The following KDELR1 variants were observed in gnomAD, a reference collection of about 807,000 sequenced individuals.
KDELR1 encodes KDEL endoplasmic reticulum protein retention receptor 1, also known as ER lumen protein-retaining receptor 1.
KDELR1 carries 16 observed loss-of-function variants against 25.5 expected under a neutral mutation model. The observed-to-expected ratio is 0.63, with a 90% CI of 0.43 to 0.95. The LOEUF (loss-of-function observed/expected upper bound fraction) is 0.95. KDELR1 is among the 40% of genes least tolerant of loss of function. The probability of loss-of-function intolerance (pLI) is 0.00; values close to 1 mark genes in which losing one functional copy is unlikely to be tolerated. For missense variants in KDELR1, 159 were observed against 265.2 expected (o/e 0.60, Z 2.78); for synonymous variants, 121 against 115.0 (o/e 1.05, Z -0.33).
In KDELR1 at chr19:48,391,276, G is replaced by T. The variant is rs1401573551; in HGVS notation, c.83C>A (p.Ser28Ter). ...LLLLKIWKSRSCAGISGKSQV... is the reference protein window; with the variant it reads ...LLLLKIWKSR Reference sequence around the variant, plus strand: ...CCTGGTGGGCCTCTCACCGGCGCACGAGCGGGACTTCCAGATTTTGAGCAG... The same window carrying T: ...CCTGGTGGGCCTCTCACCGGCGCACTAGCGGGACTTCCAGATTTTGAGCAG... The change falls in exon 1 of 5, where the codon TCG becomes TAG. Residue 28 changes from serine to a stop codon, truncating the protein, a stop_gained. Transcript: ENST00000330720. LOFTEE classifies it high-confidence loss of function. The T allele has an allele frequency of 2.6e-6, 4 of 1,555,054 alleles. No homozygotes were observed. The highest frequency in any genetic ancestry group is 2.6e-6 in the Non-Finnish European group (3 of 1,148,946).
intron 3 of KDELR1, 48 bp downstream of exon 3, chr19:48,389,505 T>G (rs1299556503): frequency 3.7e-6 from 6 of 1,609,438 alleles, no homozygotes; most frequent in Non-Finnish European, 5.1e-6. Flanking sequence ...TCATAGCTAC[T>G]CTGCCACAAC....
chr19:48,389,231 C>T (rs1970521732), intron 3 of KDELR1, among the ~76,000 whole-genome samples: 1 of 152,168 alleles, frequency 6.6e-6, no homozygotes. Context: ...GATCATGCCA[C>T]TGCACTCCAG....
chr19:48,383,289 G>A lies in KDELR1; in HGVS notation c.*4C>T, dbSNP rs762278657. 1.4e-5 allele frequency: 22 copies of A among 1,551,902 alleles called. No homozygotes were observed. The highest frequency in any genetic ancestry group is 7.3e-5 in the East Asian group (3 of 41,016). The stretch of plus-strand genomic sequence containing the variant: ...GCCGAGGAGAGAGATGGAGAGGACC[G>A]GGGCTATGCCGGCAAACTCAACTTC... On this transcript the variant is annotated 3_prime_UTR_variant, in exon 5 of 5. Transcript: ENST00000330720.
chr19:48,392,071 C>T (rs1197892615), upstream of KDELR1, among the ~76,000 whole-genome samples: 3 of 149,526 alleles, frequency 2.0e-5, no homozygotes, highest in African/African-American at 7.4e-5. Flanking sequence ...TCCAGACCCC[C>T]AGCCCCTCCT....
intron 3 of KDELR1, 185 bp downstream of exon 3, chr19:48,389,368 A>C: frequency 6.3e-6 from 4 of 639,748 alleles, no homozygotes; most frequent in Non-Finnish European, 1.1e-5. Context: ...TGACTGACAC[A>C]TAGCGAGTCT....
At position 48,384,264 on chromosome 19, in the gene KDELR1, G is replaced by C; in HGVS notation, c.570C>G (p.Leu190=). The C allele has an allele frequency of 1.2e-6, 2 of 1,614,218 alleles. No individual in the cohort carries two copies. Among genetic ancestry groups the C allele is most frequent in the African/African-American group, 1.3e-5 (1 of 75,066 alleles). ...TATAGAGGTAGAAGAAATCGCAGTAGAGGACTGTCTGGACCAGGCCTGCCA... is the reference window on the plus strand; with the variant it reads ...TATAGAGGTAGAAGAAATCGCAGTACAGGACTGTCTGGACCAGGCCTGCCA... ...AIVAGLVQTV[L]YCDFFYLYIT... is the part of the protein sequence containing the mutation. Residue 190 remains leucine, a synonymous_variant, in exon 4 of 5, where the codon CTC becomes CTG. Transcript: ENST00000330720. The surrounding 1 kb of genome is among the most constrained non-coding windows in gnomAD (Gnocchi z 4.6).
At chr19:48,396,688 G>A in the KDELR1 span, among the ~76,000 whole-genome samples, 1 of 151,902 alleles carries the variant, frequency 6.6e-6, no homozygotes, top group African/African-American at 2.4e-5. Context: ...TGGGGAGACA[G>A]GGGCCCGAGA....
Position 48,383,124 on chromosome 19 carries a change from C to T in KDELR1, c.*169G>A, listed in dbSNP as rs1175313240. 1.5e-6 allele frequency: 1 copy of T among 683,664 alleles called. No individual in the cohort carries two copies. The highest frequency in any genetic ancestry group is 2.5e-6 in the Non-Finnish European group (1 of 400,232). The allele number at this position is 683,664 out of a possible 1,614,324, so 42.3% of individuals were successfully genotyped here. On this transcript the variant is annotated 3_prime_UTR_variant, in exon 5 of 5. Coordinates refer to ENST00000330720, the MANE Select transcript of KDELR1 (RefSeq NM_006801.3). ...ACAAACAGCCCAAGTCCTGAGCTCC[C>T]CAAGACCTGGATCCTCCACTGTCCC...
upstream of KDELR1, among the ~76,000 whole-genome samples, chr19:48,393,026 AAAG>A (rs1292901743): frequency 6.6e-6 from 1 of 152,180 alleles, no homozygotes; most frequent in Non-Finnish European, 1.5e-5. This position sits in a 1 kb window ranked among gnomAD's most constrained non-coding sequence, Gnocchi z 5.6. Context: ...TCCCTCAATA[AAAG>A]AAGGGGTGCA....
In KDELR1 at chr19:48,391,551, G is replaced by T; in HGVS notation, c.-193C>A. On this transcript the variant is annotated 5_prime_UTR_variant, in exon 1 of 5. Transcript: ENST00000330720. ...CTGGCGGCGGAGCTGGAGCCGGGAA[G>T]AGGGAGGAGAGCGAGAGGGGGAGGA... 1.7e-6 allele frequency: 1 copy of T among 583,136 alleles called. No homozygotes were observed. Among genetic ancestry groups the T allele is most frequent in the Non-Finnish European group, 3.1e-6 (1 of 326,254 alleles). 36.1% of individuals were successfully genotyped at this position (583,136 alleles called of 1,614,324 possible).
chr19:48,388,772 G>A (rs1302093844), intron 3 of KDELR1, among the ~76,000 whole-genome samples: 6 of 142,336 alleles, frequency 4.2e-5, no homozygotes, highest in South Asian at 2.2e-4. Context: ...AGGAAAGAAA[G>A]GAAGAAAGAA....
In KDELR1 at chr19:48,384,822, T is replaced by C. The variant is rs1407565654; in HGVS notation, c.352-340A>G. On this transcript the variant is annotated intron_variant, in intron 3 of 4. Transcript: ENST00000330720. The surrounding 1 kb of genome is among the most constrained non-coding windows in gnomAD (Gnocchi z 4.6). Reference sequence around the variant, plus strand: ...GTCCGTTCTCATGAACACTTTGCAATTGCGCCTCTCTGAAAGGCAGGCTGG... The same window carrying C: ...GTCCGTTCTCATGAACACTTTGCAACTGCGCCTCTCTGAAAGGCAGGCTGG... Among the ~76,000 whole-genome samples, 1 of 152,076 alleles carries C rather than the reference T, an allele frequency of 6.6e-6. No individual in the cohort carries two copies. The highest frequency in any genetic ancestry group is 2.4e-5 in the African/African-American group (1 of 41,390).
Position 48,383,141 on chromosome 19 carries a change from C to A in KDELR1, c.*152G>T. 2 of 777,686 alleles carry A rather than the reference C, an allele frequency of 2.6e-6. No homozygotes were observed. Among genetic ancestry groups the A allele is most frequent in the South Asian group, 3.3e-5 (2 of 60,256 alleles). The allele number at this position is 777,686 out of a possible 1,614,324, so 48.2% of individuals were successfully genotyped here. A position where few individuals can be genotyped will look rare whatever the true frequency, so the allele number is the denominator to read the frequency against. ...TGAGCTCCCCAAGACCTGGATCCTC[C>A]ACTGTCCCCCTGAAACCCGGCAGGA... On this transcript the variant is annotated 3_prime_UTR_variant, in exon 5 of 5. Transcript: ENST00000330720.
Position 48,391,380 on chromosome 19 carries a change from C to G in KDELR1, c.-22G>C, listed in dbSNP as rs1208022506. On this transcript the variant is annotated 5_prime_UTR_variant, in exon 1 of 5. Transcript: ENST00000330720. ...TCATGGCTGGGGAACCCTGGCAGGG[C>G]TGAGCGGGAGGGAGGCAGGCTGGCG... is the stretch of plus-strand genomic sequence containing the variant. 3.2e-6 allele frequency: 5 copies of G among 1,544,470 alleles called. No homozygotes were observed. Among genetic ancestry groups the G allele is most frequent in the South Asian group, 2.4e-5 (2 of 83,932 alleles).
In KDELR1 at chr19:48,391,416, C is replaced by T. The variant is rs1283636057; in HGVS notation, c.-58G>A. 1.4e-6 allele frequency: 2 copies of T among 1,398,896 alleles called. No individual in the cohort carries two copies. Among genetic ancestry groups the T allele is most frequent in the Non-Finnish European group, 2.0e-6 (2 of 1,009,946 alleles). The allele number at this position is 1,398,896 out of a possible 1,614,324, so 86.7% of individuals were successfully genotyped here. On this transcript the variant is annotated 5_prime_UTR_variant, in exon 1 of 5. Coordinates refer to ENST00000330720, the MANE Select transcript of KDELR1 (RefSeq NM_006801.3). ...GGAGGCAGGCTGGCGGGGGGGTGCC[C>T]CCCGAGGCTGCTGGTCTGAACGGGT...
At chr19:48,394,013 C>T (rs568680039), upstream of KDELR1, among the ~76,000 whole-genome samples, 1 of 152,198 alleles carries the variant, frequency 6.6e-6, no homozygotes, top group South Asian at 2.1e-4. The surrounding 1 kb of genome is among the most constrained non-coding windows in gnomAD (Gnocchi z 5.1). Context: ...GGCTCCCGCT[C>T]CTTCCCCCCG....
upstream of KDELR1, among the ~76,000 whole-genome samples, chr19:48,391,766 G>A (rs1034197172): frequency 2.0e-5 from 3 of 152,152 alleles, no homozygotes; most frequent in Admixed American, 2.0e-4. Context: ...TGTGTCTCTG[G>A]AAGAGACGCA....
chr19:48,393,385 G>A (rs924341382), upstream of KDELR1, among the ~76,000 whole-genome samples: 7 of 152,136 alleles, frequency 4.6e-5, no homozygotes, highest in Admixed American at 2.0e-4. This position sits in a 1 kb window ranked among gnomAD's most constrained non-coding sequence, Gnocchi z 5.6. Context: ...AAGGCAGGGC[G>A]GGGGCAGAGG....
rs202051456 is a variant in KDELR1, at chr19:48,384,435, C to T, written c.399G>A (p.Pro133=). The T allele has an allele frequency of 1.5e-5, 24 of 1,613,448 alleles. No homozygotes were observed. Among genetic ancestry groups the T allele is most frequent in the Admixed American group, 3.3e-5 (2 of 59,878 alleles). The part of the protein sequence containing the change: ...SIYLESVAIL[P]QLFMVSKTGE... Reference sequence around the variant, plus strand: ...CGGTCTTGCTCACCATGAACAGCTGCGGCAAGATGGCCACTGACTCCAGGT... The same window carrying T: ...CGGTCTTGCTCACCATGAACAGCTGTGGCAAGATGGCCACTGACTCCAGGT... Residue 133 remains proline, a synonymous_variant, in exon 4 of 5, where the codon CCG becomes CCA. Transcript: ENST00000330720. This position sits in a 1 kb window ranked among gnomAD's most constrained non-coding sequence, Gnocchi z 4.6.
Sources: allele counts gnomAD v4.1 joint callset (sites outside exome capture counted in the v4.1 genomes callset), GRCh38; gene constraint gnomAD v4.1.1; non-coding constraint Gnocchi (gnomAD v3.1); transcripts MANE v1.5; gene names NCBI Gene and HGNC (gene_info 2026-07-23, HGNC 2026-07-21).